RCOR1: variants seen among roughly 807,000 people sequenced by gnomAD.
The protein encoded by RCOR1 is REST corepressor 1, also known as REST corepressor.
Under a neutral mutation model 64.0 loss-of-function variants are expected in RCOR1, and 12 were observed. The observed-to-expected ratio is 0.19, with a 90% CI of 0.12 to 0.30. RCOR1 has a LOEUF of 0.30. Ranked by LOEUF, RCOR1 falls within the 10% of genes least tolerant of loss-of-function variation. The probability of loss-of-function intolerance (pLI) is 1.00; values close to 1 mark genes in which losing one functional copy is unlikely to be tolerated. For synonymous variants in RCOR1, 279 were observed against 227.2 expected (o/e 1.23, Z -2.05); for missense variants, 502 against 621.2 (o/e 0.81, Z 2.04).
chr14:102,698,846 A>T (rs1056443713), intron 3 of RCOR1, among the ~76,000 whole-genome samples: 1 of 152,120 alleles, frequency 6.6e-6, no homozygotes, highest in Non-Finnish European at 1.5e-5. Context: ...AGAATCTGAG[A>T]GCACTTTTAT....
At chr14:102,615,265 T>G (rs535992702) in intron 2 of RCOR1, among the ~76,000 whole-genome samples, 2 of 151,080 alleles carry the variant, frequency 1.3e-5, no homozygotes, top group Non-Finnish European at 2.9e-5. Flanking sequence ...CCCAAGTAGC[T>G]GGAACTACAG....
At chr14:102,636,129 G>A (rs983559443) in intron 2 of RCOR1, among the ~76,000 whole-genome samples, 7 of 151,182 alleles carry the variant, frequency 4.6e-5, no homozygotes, top group Non-Finnish European at 1.0e-4. Context: ...TAGTAGAGAT[G>A]GGGTTTCACC....
chr14:102,712,663 CT>C (rs80063348), intron 7 of RCOR1, among the ~76,000 whole-genome samples: 3,222 of 109,298 alleles, frequency 0.029, 55 homozygotes, highest in African/African-American at 0.066. Context: ...ATTGTTAAGG[CT>C]TTTTTTTTTT....
chr14:102,643,952 C>T (rs551923508), intron 2 of RCOR1, among the ~76,000 whole-genome samples: 1 of 152,174 alleles, frequency 6.6e-6, no homozygotes, highest in Non-Finnish European at 1.5e-5. Context: ...CAGTTATTAC[C>T]GCCTAACAAC....
chr14:102,598,868 G>C lies in RCOR1; in HGVS notation c.361+5543G>C, dbSNP rs533782596. On this transcript the variant is annotated intron_variant, in intron 2 of 11. Transcript: ENST00000262241. ...ATAAAAAGTTTTACCAACTTTTAAA[G>C]AGTTAAAAAAAAAAAGAGTTAAAAA... 4.0e-5 allele frequency among the ~76,000 whole-genome samples: 6 copies of C among 151,226 alleles called. No individual in the cohort carries two copies. The East Asian group carries it at 9.7e-4, about 24-fold the overall frequency.
At chr14:102,632,685 CT>C (rs1164255110) in intron 2 of RCOR1, among the ~76,000 whole-genome samples, 4 of 109,792 alleles carry the variant, frequency 3.6e-5, no homozygotes, top group African/African-American at 1.6e-4. Flanking sequence ...TTTCCTTTTC[CT>C]TTTCCTTTTC....
At chr14:102,636,069 A>G (rs1230025490) in intron 2 of RCOR1, among the ~76,000 whole-genome samples, 2 of 151,602 alleles carry the variant, frequency 1.3e-5, no homozygotes, top group Non-Finnish European at 2.9e-5. Flanking sequence ...AGTAGTTGGG[A>G]CTACAGGCAC....
At chr14:102,685,110 G>T (rs955786120) in intron 3 of RCOR1, among the ~76,000 whole-genome samples, 3 of 151,638 alleles carry the variant, frequency 2.0e-5, no homozygotes, top group Non-Finnish European at 4.4e-5. Context: ...CAAAGTGGCT[G>T]TTCAGAGTTC....
chr14:102,656,427 G>A (rs779092520), intron 2 of RCOR1, among the ~76,000 whole-genome samples: 44 of 151,558 alleles, frequency 2.9e-4, no homozygotes, highest in African/African-American at 9.5e-4. Context: ...TGTGAGCCAC[G>A]GTGTCCCGCC....
At chr14:102,660,109 G>T (rs978426617) in intron 2 of RCOR1, among the ~76,000 whole-genome samples, 1 of 152,114 alleles carries the variant, frequency 6.6e-6, no homozygotes, top group African/African-American at 2.4e-5. Flanking sequence ...AGCCCTGTTT[G>T]AAATAATTTT....
chr14:102,637,663 A>G (rs1464571917), intron 2 of RCOR1, among the ~76,000 whole-genome samples: 2 of 151,662 alleles, frequency 1.3e-5, no homozygotes, highest in African/African-American at 4.9e-5. Flanking sequence ...TTGCCCAGGT[A>G]GTCTCGAACT....
chr14:102,614,764 G>A (rs891308718), intron 2 of RCOR1, among the ~76,000 whole-genome samples: 1 of 151,830 alleles, frequency 6.6e-6, no homozygotes, highest in Non-Finnish European at 1.5e-5. Context: ...CCAGTTTGGT[G>A]TATAAAATTT....
At chr14:102,726,341 AAAAG>A (rs1341264010) in intron 11 of RCOR1, 123 bp from the exon 12 acceptor site, 3 of 837,464 alleles carry the variant, frequency 3.6e-6, no homozygotes, top group Non-Finnish European at 5.5e-6. Context: ...AAAAAAAAAA[AAAAG>A]AACTCGGTGT....
chr14:102,592,670 G>T lies in RCOR1; in HGVS notation c.-217G>T. The T allele has an allele frequency of 8.1e-7, 1 of 1,228,884 alleles. No individual in the cohort carries two copies. Among genetic ancestry groups the T allele is most frequent in the African/African-American group, 1.6e-5 (1 of 64,316 alleles). 76.1% of individuals were successfully genotyped at this position (1,228,884 alleles called of 1,614,324 possible). A position where few individuals can be genotyped will look rare whatever the true frequency, so the allele number is the denominator to read the frequency against. On this transcript the variant is annotated 5_prime_UTR_variant, in exon 1 of 12. Coordinates refer to ENST00000262241, the MANE Select transcript of RCOR1 (RefSeq NM_015156.4). ...AGTTGGTGCCAGTGAAGTGAGGGCG[G>T]CGATGAGAGCGAAAGTTGCGCTCGG...
chr14:102,602,205 T>G (rs2139880946), intron 2 of RCOR1, among the ~76,000 whole-genome samples: 1 of 152,098 alleles, frequency 6.6e-6, no homozygotes, highest in South Asian at 2.1e-4. Flanking sequence ...ATTGTTAGTG[T>G]TTTTGTAAAT....
At chr14:102,658,533 A>T (rs1894770946) in intron 2 of RCOR1, 1 of 985,150 alleles carries the variant, frequency 1.0e-6, no homozygotes, top group Admixed American at 6.2e-5. Context: ...TGAATTATGG[A>T]AAGTTTTTAG....
chr14:102,714,537 G>C lies in RCOR1; in HGVS notation c.973G>C (p.Glu325Gln), dbSNP rs1320823023. 1 of 1,613,980 alleles carries C rather than the reference G, an allele frequency of 6.2e-7. No homozygotes were observed. The highest frequency in any genetic ancestry group is 8.5e-7 in the Non-Finnish European group (1 of 1,179,962). Residue 325 changes from glutamate (E) to glutamine (Q), a missense_variant, in exon 8 of 12, where the codon GAG becomes CAG. This residue lies in a region of RCOR1 where 260 missense variants were observed against 416.4 expected (regional missense o/e 0.62). Transcript: ENST00000262241. ...AATGTTTCTTTCTCAAGAAGATGTGGAGGCTGTTTCTGCCAATGCCACTGC... is the reference window on the plus strand; with the variant it reads ...AATGTTTCTTTCTCAAGAAGATGTGCAGGCTGTTTCTGCCAATGCCACTGC... ...KGMFLSQEDV[E>Q]AVSANATAAT...
chr14:102,609,862 G>A (rs114991229), intron 2 of RCOR1, among the ~76,000 whole-genome samples: 3,195 of 151,930 alleles, frequency 0.021, 114 homozygotes, highest in African/African-American at 0.073. Context: ...CTTTAAGGCC[G>A]GGTGCAGTGG....
chr14:102,604,523 A>G (rs1242883404), intron 2 of RCOR1, among the ~76,000 whole-genome samples: 8 of 152,164 alleles, frequency 5.3e-5, no homozygotes, highest in Non-Finnish European at 1.0e-4. Context: ...CATATGATGT[A>G]AAGTTACTAT....
Sources: allele counts gnomAD v4.1 joint callset (sites outside exome capture counted in the v4.1 genomes callset), GRCh38; gene constraint gnomAD v4.1.1; regional missense constraint gnomAD v4.1.1; transcripts MANE v1.5; gene names NCBI Gene and HGNC (gene_info 2026-07-23, HGNC 2026-07-21).